STON2: variants seen among roughly 807,000 people sequenced by gnomAD.
STON2 encodes the protein stonin-2.
A neutral mutation model predicts 65.7 loss-of-function variants in STON2; 29 were observed. The ratio of observed to expected loss-of-function variants is 0.44; its 90% CI spans 0.33 to 0.60. The LOEUF is 0.60. Among genes scored for constraint, STON2 ranks in the 20% least tolerant of loss-of-function variants. The probability of loss-of-function intolerance (pLI) is 0.03; values close to 1 mark genes in which losing one functional copy is unlikely to be tolerated. For missense variants in STON2, 1,054 were observed against 1,118.1 expected (o/e 0.94, Z 0.82); for synonymous variants, 404 against 414.2 (o/e 0.98, Z 0.30).
rs1198483768 is a variant in STON2 at position 81,262,726 on chromosome 14, C to G, written c.*5688G>C. 3.0e-6 allele frequency: 3 copies of G among 985,116 alleles called. No homozygotes were observed. The African/African-American group carries it at 5.2e-5, about 17-fold the overall frequency. The allele number at this position is 985,116 out of a possible 1,614,324, so 61.0% of individuals were successfully genotyped here. ...ATTTTTTTTTCAATTCTCAAAACAACTAGACTCTTTCCAGCAGATTTGCTA... is the reference window on the plus strand; with the variant it reads ...ATTTTTTTTTCAATTCTCAAAACAAGTAGACTCTTTCCAGCAGATTTGCTA... On this transcript the variant is annotated 3_prime_UTR_variant, in exon 8 of 8. Transcript: ENST00000614646.
At chr14:81,335,922 G>C (rs1373435229) in intron 4 of STON2, among the ~76,000 whole-genome samples, 1 of 152,080 alleles carries the variant, frequency 6.6e-6, no homozygotes, top group Non-Finnish European at 1.5e-5. Flanking sequence ...TACCTGAAAA[G>C]GTAACAAAAA....
At chr14:81,294,954 C>T (rs1482480581) in intron 5 of STON2, among the ~76,000 whole-genome samples, 2 of 152,298 alleles carry the variant, frequency 1.3e-5, no homozygotes, top group East Asian at 3.9e-4. Context: ...TGAGGTAATT[C>T]AAGGTTCCAA....
chr14:81,265,137 A>G lies in STON2; in HGVS notation c.*3277T>C, dbSNP rs1166497524. On this transcript the variant is annotated 3_prime_UTR_variant, in exon 8 of 8. Transcript: ENST00000614646. ...GCAAAAGTAGAATCTGCATATCCAC[A>G]GGTAATTTGCCCAACTGTTTTCTAT... The G allele has an allele frequency of 3.0e-6, 3 of 985,106 alleles. No individual in the cohort carries two copies. The East Asian group carries it at 3.4e-4, about 112-fold the overall frequency. 61.0% of individuals were successfully genotyped at this position (985,106 alleles called of 1,614,324 possible).
chr14:81,405,460 G>GTTTTT (rs376505307), intron 2 of STON2, among the ~76,000 whole-genome samples: 6 of 63,324 alleles, frequency 9.5e-5, no homozygotes, highest in African/African-American at 2.0e-4. Flanking sequence ...AGTTACTATT[G>GTTTTT]TTTTTTTTTT....
chr14:81,269,134 T>C (rs1894472728), intron 7 of STON2, among the ~76,000 whole-genome samples: 1 of 151,996 alleles, frequency 6.6e-6, no homozygotes, highest in Non-Finnish European at 1.5e-5. Context: ...TCCTCCAGAG[T>C]AGCTAAGATT....
At chr14:81,276,587 T>C (rs536150030) in intron 6 of STON2, among the ~76,000 whole-genome samples, 127 of 152,282 alleles carry the variant, frequency 8.3e-4, no homozygotes, top group African/African-American at 2.9e-3. Flanking sequence ...CCACAGCTAA[T>C]ACGTTAATGA....
intron 4 of STON2, among the ~76,000 whole-genome samples, chr14:81,325,657 G>C (rs188996848): frequency 2.0e-5 from 3 of 152,092 alleles, no homozygotes; most frequent in Admixed American, 2.0e-4. Context: ...ACATAACTTG[G>C]ATTAAAGGAT....
At chr14:81,415,668 CA>C (rs35270491) in intron 2 of STON2, among the ~76,000 whole-genome samples, 29,169 of 76,696 alleles carry the variant, frequency 0.38, 2,671 homozygotes, top group Non-Finnish European at 0.44. Context: ...GACTCCATCG[CA>C]AAAAAAAAAA....
rs1440329628 is a variant in STON2, at chr14:81,414,128, G to A, written c.-199+12974C>T. On this transcript the variant is annotated intron_variant, in intron 2 of 8. Transcript: ENST00000553821. ...GACAAGGAATTCTGGTGGAGGACAT[G>A]GTGGGTGATAGTCCCACTGACCGGG... is the stretch of plus-strand genomic sequence containing the variant. 2.2e-5 allele frequency among the ~76,000 whole-genome samples: 3 copies of A among 139,210 alleles called. 1 individual carries two copies. Among genetic ancestry groups the A allele is most frequent in the Admixed American group, 2.1e-4 (3 of 14,030 alleles). The allele number at this position is 139,210 out of a possible 152,430, so 91.3% of individuals were successfully genotyped here.
intron 5 of STON2, among the ~76,000 whole-genome samples, chr14:81,298,422 G>GT (rs1555396855): frequency 4.5e-5 from 3 of 66,088 alleles, no homozygotes; most frequent in African/African-American, 9.3e-5. Flanking sequence ...GATGGGGGGG[G>GT]GGAATCACAG....
At chr14:81,399,996 A>C (rs1900523439) in intron 1 of STON2, among the ~76,000 whole-genome samples, 1 of 152,160 alleles carries the variant, frequency 6.6e-6, no homozygotes, top group African/African-American at 2.4e-5. Context: ...CAGCCAAAAC[A>C]CTCTAACCCT....
At chr14:81,405,209 C>G (rs1900788368), upstream of STON2, among the ~76,000 whole-genome samples, 1 of 152,056 alleles carries the variant, frequency 6.6e-6, no homozygotes, top group Non-Finnish European at 1.5e-5. Context: ...CTAATCTGTC[C>G]TTGCGTTCAC....
intron 2 of STON2, among the ~76,000 whole-genome samples, chr14:81,417,000 G>A (rs1901469238): frequency 6.6e-6 from 1 of 152,104 alleles, no homozygotes; most frequent in Non-Finnish European, 1.5e-5. Context: ...AAAACATAGG[G>A]TTTTATTTCC....
At chr14:81,375,521 T>C (rs903882169) in intron 3 of STON2, among the ~76,000 whole-genome samples, 1 of 152,004 alleles carries the variant, frequency 6.6e-6, no homozygotes, top group Non-Finnish European at 1.5e-5. Flanking sequence ...TTTAATAACA[T>C]AGCCTCAAAA....
intron 4 of STON2, among the ~76,000 whole-genome samples, chr14:81,359,978 C>A (rs1310868762): frequency 1.3e-5 from 2 of 152,206 alleles, no homozygotes; most frequent in African/African-American, 4.8e-5. Context: ...GTGGTCCCAG[C>A]CACATAAGGG....
chr14:81,409,429 A>AT (rs1901042930), intron 2 of STON2, among the ~76,000 whole-genome samples: 2 of 75,764 alleles, frequency 2.6e-5, no homozygotes, highest in African/African-American at 1.2e-4. Flanking sequence ...ATAAATATAA[A>AT]AATATATATA....
chr14:81,358,982 C>A (rs10450940), intron 4 of STON2, among the ~76,000 whole-genome samples: 46,324 of 151,944 alleles, frequency 0.3, 7,313 homozygotes, highest in East Asian at 0.41. Flanking sequence ...GCCAGATTAA[C>A]CAGACAGAAA....
At chr14:81,315,099 G>A (rs1896569741) in intron 5 of STON2, among the ~76,000 whole-genome samples, 1 of 152,278 alleles carries the variant, frequency 6.6e-6, no homozygotes, top group East Asian at 1.9e-4. Flanking sequence ...TAAATGCAGA[G>A]GAAAACCTAC....
At chr14:81,300,008 T>A (rs1895910225) in intron 5 of STON2, among the ~76,000 whole-genome samples, 1 of 151,654 alleles carries the variant, frequency 6.6e-6, no homozygotes, top group Non-Finnish European at 1.5e-5. Flanking sequence ...CAAGACAATC[T>A]CAAAGAAGAA....
Sources: gnomAD v4.1 joint callset for allele counts (sites outside exome capture counted in the v4.1 genomes callset) on GRCh38, gnomAD v4.1.1 for gene constraint, MANE v1.5 for transcripts, NCBI Gene and HGNC (gene_info 2026-07-23, HGNC 2026-07-21) for gene names.